Variants in NF1 observed in about 807,000 individuals in gnomAD.
NF1 encodes neurofibromin.
Under a neutral mutation model 325.7 loss-of-function variants are expected in NF1, and 122 were observed. That is an observed-to-expected ratio of 0.37 (90% CI 0.32 to 0.44). The LOEUF is 0.44. NF1 is among the 20% of genes least tolerant of loss of function. NF1 has a pLI of 1.00. For synonymous variants in NF1, 1,091 were observed against 1,186.0 expected (o/e 0.92, Z 1.65); for missense variants, 2,140 against 3,415.4 (o/e 0.63, Z 9.31).
At position 31,305,360 on chromosome 17, in the gene NF1, C is replaced by G. The variant is rs751120621; in HGVS notation, c.4836-20460C>G. 3.7e-6 allele frequency: 6 copies of G among 1,613,960 alleles called. No homozygotes were observed. In the South Asian group the frequency reaches 5.5e-5, roughly 15 times the overall value. ...GGTTTTTCAGAAGAGGTATAGACAG[C>G]TGGTGTTGGTTGTCCAGCAGTGACT... is the stretch of plus-strand genomic sequence containing the variant. On this transcript the variant is annotated intron_variant, in intron 36 of 57. Coordinates refer to ENST00000358273, the MANE Select transcript of NF1 (RefSeq NM_001042492.3).
chr17:31,121,960 A>G (rs1914477813), intron 1 of NF1, among the ~76,000 whole-genome samples: 2 of 152,176 alleles, frequency 1.3e-5, no homozygotes, highest in Non-Finnish European at 2.9e-5. Flanking sequence ...TAATATCCCC[A>G]GGCTTAGCAC....
intron 36 of NF1, among the ~76,000 whole-genome samples, chr17:31,285,320 T>A (rs1158352963): frequency 6.7e-6 from 1 of 149,874 alleles, no homozygotes; most frequent in Non-Finnish European, 1.5e-5. Context: ...AACAACCATG[T>A]AAGAATAAAT....
chr17:31,106,357 A>AT (rs372643978), intron 1 of NF1, among the ~76,000 whole-genome samples: 3 of 151,894 alleles, frequency 2.0e-5, no homozygotes, highest in African/African-American at 4.8e-5. Flanking sequence ...TCTGTGCAGT[A>AT]TTTTTTTTCT....
intron 1 of NF1, among the ~76,000 whole-genome samples, chr17:31,114,339 C>T (rs149738043): frequency 3.9e-5 from 6 of 151,964 alleles, no homozygotes; most frequent in African/African-American, 1.4e-4. Flanking sequence ...GAGATCGAGA[C>T]CATCCTGGCT....
At chr17:31,198,652 T>A (rs990873683) in intron 8 of NF1, among the ~76,000 whole-genome samples, 1 of 152,102 alleles carries the variant, frequency 6.6e-6, no homozygotes, top group South Asian at 2.1e-4. Flanking sequence ...TCTTGCTCTT[T>A]CGCACAGGCT....
rs876659893 is a variant in NF1 at position 31,349,241 on chromosome 17, C to T, written c.7311C>T (p.Ala2437=). Residue 2437 remains alanine, a synonymous_variant, in exon 49 of 58, where the codon GCC becomes GCT. Coordinates refer to ENST00000358273, the MANE Select transcript of NF1 (RefSeq NM_001042492.3). Reference sequence around the variant, plus strand: ...TTGAAGTGAATACACAGAGCGTGGCCTACTTAGCAGGTAAAAACACAAAAT... The same window carrying T: ...TTGAAGTGAATACACAGAGCGTGGCTTACTTAGCAGGTAAAAACACAAAAT... ...DKFEVNTQSV[A]YLAALLTVSE... The T allele has an allele frequency of 6.2e-7, 1 of 1,612,916 alleles. No individual in the cohort carries two copies. The highest frequency in any genetic ancestry group is 8.5e-7 in the Non-Finnish European group (1 of 1,179,706).
At chr17:31,328,436 G>T (rs1209447942) in intron 38 of NF1, among the ~76,000 whole-genome samples, 1 of 152,116 alleles carries the variant, frequency 6.6e-6, no homozygotes, top group African/African-American at 2.4e-5. Flanking sequence ...TGTACTTTGA[G>T]CAAGATACTG....
chr17:31,119,061 CCT>C (rs1408083059), intron 1 of NF1, among the ~76,000 whole-genome samples: 3 of 152,092 alleles, frequency 2.0e-5, no homozygotes, highest in Admixed American at 2.0e-4. Flanking sequence ...CCTGCCTCAG[CCT>C]CTCCACTAGC....
chr17:31,314,229 G>C (rs2151521000), intron 36 of NF1: 2 of 372,356 alleles, frequency 5.4e-6, no homozygotes, highest in Non-Finnish European at 4.8e-6. Flanking sequence ...GGAGCCCTAT[G>C]ATTTGAGTGC....
At position 31,100,044 on chromosome 17, in the gene NF1, C is replaced by G. The variant is rs1912173811; in HGVS notation, c.60+4675C>G. Among the ~76,000 whole-genome samples, 5 of 150,742 alleles carry G rather than the reference C, an allele frequency of 3.3e-5. No homozygotes were observed. The South Asian group carries it at 1.0e-3, about 32-fold the overall frequency. ...AAAAAAGAATTAAAAAGAACTCCATCCCAAAATGATTTGTTGTAAATATGT... is the reference window on the plus strand; with the variant it reads ...AAAAAAGAATTAAAAAGAACTCCATGCCAAAATGATTTGTTGTAAATATGT... On this transcript the variant is annotated intron_variant, in intron 1 of 57. Coordinates refer to ENST00000358273, the MANE Select transcript of NF1 (RefSeq NM_001042492.3).
chr17:31,172,216 A>G (rs139116590), intron 5 of NF1, among the ~76,000 whole-genome samples: 4,357 of 152,184 alleles, frequency 0.029, 102 homozygotes, highest in Non-Finnish European at 0.044. Context: ...AGTCCCAGCT[A>G]CTTGGGAGGC....
intron 8 of NF1, among the ~76,000 whole-genome samples, chr17:31,189,571 C>G (rs773549888): frequency 1.3e-5 from 2 of 152,082 alleles, no homozygotes; most frequent in Non-Finnish European, 2.9e-5. Flanking sequence ...AACCAGTAAT[C>G]TAGTTTTTTG....
intron 36 of NF1, among the ~76,000 whole-genome samples, chr17:31,274,450 C>T (rs772430557): frequency 4.7e-4 from 71 of 152,132 alleles, no homozygotes; most frequent in Non-Finnish European, 9.7e-4. Context: ...ACATGTTCCT[C>T]ACTTGTTTTA....
At chr17:31,197,735 A>G (rs111987900) in intron 8 of NF1, among the ~76,000 whole-genome samples, 180 of 152,262 alleles carry the variant, frequency 1.2e-3, no homozygotes, top group African/African-American at 3.9e-3. Context: ...CTACATATAT[A>G]TCATCTGTGA....
At chr17:31,142,331 G>A (rs1252164127) in intron 1 of NF1, among the ~76,000 whole-genome samples, 1 of 152,034 alleles carries the variant, frequency 6.6e-6, no homozygotes, top group Non-Finnish European at 1.5e-5. Flanking sequence ...TTCCTCAATT[G>A]TGTGAAAGTA....
At chr17:31,201,821 CAT>C (rs2066536215) in intron 11 of NF1, among the ~76,000 whole-genome samples, 1 of 152,116 alleles carries the variant, frequency 6.6e-6, no homozygotes, top group Non-Finnish European at 1.5e-5. Context: ...GCTTTTCAAA[CAT>C]ATTATTTCAG....
intron 23 of NF1, 65 bp downstream of exon 23, chr17:31,230,447 A>G (rs2151431921): frequency 6.3e-7 from 1 of 1,582,996 alleles, no homozygotes; most frequent in Non-Finnish European, 8.7e-7. Context: ...AGTACAGAAA[A>G]AGAGTAGATA....
chr17:31,161,609 A>T (rs1482759525), intron 3 of NF1, among the ~76,000 whole-genome samples: 1 of 152,234 alleles, frequency 6.6e-6, no homozygotes, highest in Non-Finnish European at 1.5e-5. Context: ...CACCGAAGTT[A>T]TCAAACTTGG....
chr17:31,224,976 T>C (rs781579070), intron 16 of NF1, 119 bp from the exon 17 acceptor site: 73 of 1,001,690 alleles, frequency 7.3e-5, no homozygotes, highest in Non-Finnish European at 9.6e-5. Flanking sequence ...AGTTGGGGCA[T>C]AGAGATTGAG....
Sources: gnomAD v4.1 joint callset for allele counts (sites outside exome capture counted in the v4.1 genomes callset) on GRCh38, gnomAD v4.1.1 for gene constraint, MANE v1.5 for transcripts, NCBI Gene and HGNC (gene_info 2026-07-23, HGNC 2026-07-21) for gene names.